PPP4R3B: variants seen among roughly 807,000 people sequenced by gnomAD.
PPP4R3B encodes the protein protein phosphatase 4 regulatory subunit 3B.
A neutral mutation model predicts 95.4 loss-of-function variants in PPP4R3B; 52 were observed. The observed-to-expected ratio is 0.54, with a 90% CI of 0.44 to 0.69. The LOEUF is 0.69. Ranked by LOEUF, PPP4R3B falls within the 30% of genes least tolerant of loss-of-function variation. The pLI, the probability that PPP4R3B is intolerant of heterozygous loss-of-function variation, is 0.00. For missense variants in PPP4R3B, 1,003 were observed against 1,005.9 expected (o/e 1.00, Z 0.04); for synonymous variants, 407 against 343.9 (o/e 1.18, Z -2.03).
At chr2:55,609,946 T>C (rs1693943939) in intron 2 of PPP4R3B, among the ~76,000 whole-genome samples, 1 of 152,136 alleles carries the variant, frequency 6.6e-6, no homozygotes, top group African/African-American at 2.4e-5. Context: ...GAGACTTCAA[T>C]AAATACCTTT....
intron 4 of PPP4R3B, among the ~76,000 whole-genome samples, chr2:55,591,890 T>TA (rs2104381474): frequency 6.6e-6 from 1 of 151,568 alleles, no homozygotes; most frequent in East Asian, 1.9e-4. Flanking sequence ...ATAGTTGAAA[T>TA]ACTTACTCCA....
chr2:55,609,982 T>G (rs1238526941), intron 2 of PPP4R3B, among the ~76,000 whole-genome samples: 1 of 152,100 alleles, frequency 6.6e-6, no homozygotes, highest in South Asian at 2.1e-4. Flanking sequence ...GCTAATATAT[T>G]ACACACTAAA....
In PPP4R3B at chr2:55,617,236, C is replaced by G; in HGVS notation, c.50G>C (p.Arg17Pro). ...RVKVYTLNED[R>P]QWDDRGTGHV... ...CCCGGTGCCTCGGTCGTCCCATTGC[C>G]GGTCTTCGTTCAGGGTATAGACCTT... The change falls in exon 1 of 17, where the codon CGG becomes CCG. Residue 17 changes from arginine to proline, a missense_variant. Coordinates refer to ENST00000616407, the MANE Select transcript of PPP4R3B (RefSeq NM_001122964.3). 1.2e-6 allele frequency: 2 copies of G among 1,614,052 alleles called. No individual in the cohort carries two copies. The highest frequency in any genetic ancestry group is 1.7e-6 in the Non-Finnish European group (2 of 1,179,952).
chr2:55,551,342 CAAAAAG>C (rs1685219578), intron 16 of PPP4R3B, among the ~76,000 whole-genome samples: 4 of 143,836 alleles, frequency 2.8e-5, no homozygotes, highest in African/African-American at 7.7e-5. Flanking sequence ...CATCTCAAAA[CAAAAAG>C]AAAAACAAAA....
chr2:55,613,435 T>C (rs1694464693), intron 2 of PPP4R3B, among the ~76,000 whole-genome samples: 1 of 151,936 alleles, frequency 6.6e-6, no homozygotes, highest in Admixed American at 6.6e-5. Flanking sequence ...ACAGAAAACA[T>C]TTCCAAATGG....
intron 10 of PPP4R3B, among the ~76,000 whole-genome samples, chr2:55,577,949 A>C (rs1237706501): frequency 1.3e-5 from 2 of 152,186 alleles, no homozygotes; most frequent in African/African-American, 4.8e-5. Context: ...AATAGCAAAA[A>C]GCTAGAAACA....
chr2:55,558,695 A>C, intron 16 of PPP4R3B, 80 bp downstream of exon 16: 1 of 1,083,194 alleles, frequency 9.2e-7, no homozygotes, highest in Non-Finnish European at 1.3e-6. Flanking sequence ...TGTTTTGATT[A>C]TCCAAATTTT....
At chr2:55,605,075 G>A (rs1025622347) in intron 2 of PPP4R3B, among the ~76,000 whole-genome samples, 13 of 151,982 alleles carry the variant, frequency 8.6e-5, no homozygotes, top group Non-Finnish European at 1.8e-4. Flanking sequence ...GGGCTCAAGC[G>A]ATCCGCCTGC....
Position 55,585,176 on chromosome 2 carries a change from A to T in PPP4R3B, c.1117-9T>A. On this transcript the variant is annotated splice_polypyrimidine_tract_variant and intron_variant, in intron 6 of 16. Coordinates refer to ENST00000616407, the MANE Select transcript of PPP4R3B (RefSeq NM_001122964.3). ...TGCAAATCATCCATGCCCTGATAAAAGGAAAATTAGGTTACTTAGAGACTG... is the reference window on the plus strand; with the variant it reads ...TGCAAATCATCCATGCCCTGATAAATGGAAAATTAGGTTACTTAGAGACTG... 1 of 1,573,580 alleles carries T rather than the reference A, an allele frequency of 6.4e-7. No individual in the cohort carries two copies. The highest frequency in any genetic ancestry group is 2.3e-5 in the East Asian group (1 of 44,218).
intron 4 of PPP4R3B, among the ~76,000 whole-genome samples, chr2:55,597,147 A>G (rs186275330): frequency 8.5e-5 from 13 of 152,286 alleles, no homozygotes; most frequent in Non-Finnish European, 1.5e-4. Flanking sequence ...TAACTGCTGC[A>G]TAACACTGCA....
chr2:55,597,009 T>C (rs894563241), intron 4 of PPP4R3B, among the ~76,000 whole-genome samples: 2 of 151,996 alleles, frequency 1.3e-5, no homozygotes, highest in Non-Finnish European at 2.9e-5. Context: ...ATATATATAA[T>C]AGGCAAATTC....
intron 16 of PPP4R3B, among the ~76,000 whole-genome samples, 177 bp downstream of exon 16, chr2:55,558,598 C>A (rs1686162577): frequency 6.6e-6 from 1 of 152,062 alleles, no homozygotes. Context: ...CAGAGTGAGA[C>A]TCTGTCTCAA....
chr2:55,603,939 A>T (rs1023902494), intron 3 of PPP4R3B, 39 bp downstream of exon 3: 6 of 1,433,982 alleles, frequency 4.2e-6, no homozygotes, highest in Non-Finnish European at 4.8e-6. Context: ...TCCAGAAAAG[A>T]AGCAAACATT....
intron 2 of PPP4R3B, among the ~76,000 whole-genome samples, chr2:55,610,764 G>C (rs1694052406): frequency 6.6e-6 from 1 of 151,364 alleles, no homozygotes; most frequent in Non-Finnish European, 1.5e-5. Flanking sequence ...TTCTTTATCT[G>C]TTTCATCTGT....
At position 55,598,987 on chromosome 2, in the gene PPP4R3B, G is replaced by T; in HGVS notation, c.350C>A (p.Ser117Tyr). Residue 117 changes from serine (S) to tyrosine (Y), a missense_variant, in exon 4 of 17, where the codon TCT (serine) becomes TAT (tyrosine). Physicochemically the swap from Ser to Tyr is moderately radical, Grantham distance 144. Around this residue, in one of 3 missense-constraint regions of PPP4R3B, gnomAD observed 695 missense variants for 686.2 expected, o/e 1.01. Transcript: ENST00000616407. The part of the protein sequence containing the change: ...VEVTQDLIDE[S>Y]EEERFEEMPE... ...CATTTCTTCAAATCGTTCTTCTTCA[G>T]ATTCATCAATGAGGTCCTGTGTGAC... is the stretch of plus-strand genomic sequence containing the variant. 6.2e-7 allele frequency: 1 copy of T among 1,613,998 alleles called. No individual in the cohort carries two copies. The highest frequency in any genetic ancestry group is 8.5e-7 in the Non-Finnish European group (1 of 1,179,986).
chr2:55,593,158 A>AAAAT (rs1292814295), intron 4 of PPP4R3B, among the ~76,000 whole-genome samples: 3 of 152,174 alleles, frequency 2.0e-5, no homozygotes, highest in Non-Finnish European at 2.9e-5. Flanking sequence ...ACTCTGTCTC[A>AAAAT]AAATAAATAA....
intron 1 of PPP4R3B, among the ~76,000 whole-genome samples, chr2:55,616,255 A>T (rs911612858): frequency 1.3e-5 from 2 of 152,194 alleles, no homozygotes; most frequent in Non-Finnish European, 2.9e-5. Flanking sequence ...TATAGAAATT[A>T]CAGTGCTGCA....
chr2:55,599,977 T>G (rs1029951380), intron 3 of PPP4R3B, among the ~76,000 whole-genome samples: 1 of 152,218 alleles, frequency 6.6e-6, no homozygotes. Context: ...TCTAAACTTA[T>G]GCTTTCTCAA....
chr2:55,581,802 A>C, intron 7 of PPP4R3B, 104 bp from the exon 8 acceptor site: 5 of 1,200,744 alleles, frequency 4.2e-6, no homozygotes, highest in Non-Finnish European at 5.6e-6. Flanking sequence ...TATATAGAGA[A>C]AAAACGAAGA....
Sources: gnomAD v4.1 joint callset for allele counts (sites outside exome capture counted in the v4.1 genomes callset) on GRCh38, gnomAD v4.1.1 for gene constraint, gnomAD v4.1.1 regional missense constraint, MANE v1.5 for transcripts, NCBI Gene and HGNC (gene_info 2026-07-23, HGNC 2026-07-21) for gene names.